The following PYGM variants were observed in gnomAD, a reference collection of about 807,000 sequenced individuals.
PYGM encodes the protein glycogen phosphorylase, muscle form.
A neutral mutation model predicts 99.3 loss-of-function variants in PYGM; 81 were observed. The observed-to-expected ratio is 0.82, with a 90% CI of 0.68 to 0.98. PYGM has a LOEUF of 0.98. Ranked by LOEUF, PYGM falls within the 50% of genes least tolerant of loss-of-function variation. The pLI, the probability that PYGM is intolerant of heterozygous loss-of-function variation, is 0.00. For missense variants in PYGM, 1,030 were observed against 1,158.1 expected (o/e 0.89, Z 1.61); for synonymous variants, 436 against 451.5 (o/e 0.97, Z 0.44).
chr11:64,754,201 G>A lies in PYGM; in HGVS notation c.1092+52C>T. ...CCTCCCACGCTCCCAAACTGGGAAG[G>A]GAACCCCGAGGCAGAGAGCATCAGA... On this transcript the variant is annotated intron_variant, in intron 9 of 19. Coordinates refer to ENST00000164139, the MANE Select transcript of PYGM (RefSeq NM_005609.4). This position sits in a 1 kb window ranked among gnomAD's most constrained non-coding sequence, Gnocchi z 5.5. 6.3e-7 allele frequency: 1 copy of A among 1,586,636 alleles called. No homozygotes were observed. Among genetic ancestry groups the A allele is most frequent in the East Asian group, 2.2e-5 (1 of 44,720 alleles).
intron 17 of PYGM, 43 bp downstream of exon 17, chr11:64,750,333 C>A (rs1383886981): frequency 6.2e-7 from 1 of 1,610,060 alleles, no homozygotes; most frequent in Non-Finnish European, 8.5e-7. Context: ...TCTCCAGCAG[C>A]CACACCTGGG....
chr11:64,756,084 G>A (rs1208070902), intron 5 of PYGM, among the ~76,000 whole-genome samples: 2 of 152,210 alleles, frequency 1.3e-5, no homozygotes, highest in African/African-American at 2.4e-5. Context: ...TGCTACCACG[G>A]TGCCAGGGGT....
At chr11:64,752,567 G>C in intron 12 of PYGM, 63 bp from the exon 13 acceptor site, 1 of 1,501,190 alleles carries the variant, frequency 6.7e-7, no homozygotes, top group Non-Finnish European at 9.2e-7. Flanking sequence ...AACACAGAAG[G>C]GGCCATTTCC....
At chr11:64,757,708 G>A in intron 5 of PYGM, 71 bp downstream of exon 5, 1 of 1,601,972 alleles carries the variant, frequency 6.2e-7, no homozygotes, top group Non-Finnish European at 8.5e-7. Context: ...ACTGGGTCCT[G>A]CTTCCTCTCT....
Position 64,753,923 on chromosome 11 carries a change from G to T in PYGM, c.1195C>A (p.Arg399=), listed in dbSNP as rs747675778. ...PVHLLETLLP[R]HLQIIYEINQ... The stretch of plus-strand genomic sequence containing the variant: ...ATCTCGTAGATGATCTGGAGGTGCC[G>T]CGGCAGCAGCGTCTCCAAGAGGTGC... Residue 399 remains arginine, a synonymous_variant, in exon 10 of 20, where the codon CGG becomes AGG. Transcript: ENST00000164139. The T allele has an allele frequency of 1.9e-6, 3 of 1,593,362 alleles. No homozygotes were observed. In the African/African-American group the frequency reaches 4.0e-5, roughly 21 times the overall value.
At chr11:64,751,208 A>G (rs915503540) in intron 16 of PYGM, 117 bp downstream of exon 16, 2 of 1,474,910 alleles carry the variant, frequency 1.4e-6, no homozygotes, top group Admixed American at 1.8e-5. Flanking sequence ...TGGTTTAAGC[A>G]TTGCCCTCTC....
At position 64,758,233 on chromosome 11, in the gene PYGM, C is replaced by T. The variant is rs571044373; in HGVS notation, c.528+13G>A. The T allele has an allele frequency of 8.1e-6, 13 of 1,600,322 alleles. No individual in the cohort carries two copies. The South Asian group carries it at 1.4e-4, about 18-fold the overall frequency. On this transcript the variant is annotated intron_variant, in intron 4 of 19. Coordinates refer to ENST00000164139, the MANE Select transcript of PYGM (RefSeq NM_005609.4). Reference sequence around the variant, plus strand: ...CTGACTAGACCCCACAAGTTAGAGCCAAGGCTGCTCACCTGCCAGCCCCCG... The same window carrying T: ...CTGACTAGACCCCACAAGTTAGAGCTAAGGCTGCTCACCTGCCAGCCCCCG...
chr11:64,750,642 G>T, intron 16 of PYGM, 59 bp from the exon 17 acceptor site: 1 of 1,544,512 alleles, frequency 6.5e-7, no homozygotes, highest in Non-Finnish European at 8.9e-7. Context: ...ACCAGCTGGG[G>T]ACTCTCAGAT....
chr11:64,760,208 T>C (rs2058425773), upstream of PYGM: 3 of 388,440 alleles, frequency 7.7e-6, no homozygotes, highest in South Asian at 2.8e-5. Context: ...CTTCTGTCCC[T>C]TGTCCCTGCC....
rs779002909 is a variant in PYGM at position 64,754,358 on chromosome 11, G to T, written c.1000-13C>A. ...GCTGGATGGCCACCTGGGGTAGGGGGAGGGGTCAGTCTGGGCTCCAAACCA... is the reference window on the plus strand; with the variant it reads ...GCTGGATGGCCACCTGGGGTAGGGGTAGGGGTCAGTCTGGGCTCCAAACCA... On this transcript the variant is annotated splice_polypyrimidine_tract_variant and intron_variant, in intron 8 of 19. Coordinates refer to ENST00000164139, the MANE Select transcript of PYGM (RefSeq NM_005609.4). The surrounding 1 kb of genome is among the most constrained non-coding windows in gnomAD (Gnocchi z 5.5). 27 of 1,589,594 alleles carry T rather than the reference G, an allele frequency of 1.7e-5. No homozygotes were observed. Among genetic ancestry groups the T allele is most frequent in the Middle Eastern group, 1.7e-4 (1 of 6,026 alleles).
In PYGM at chr11:64,758,591, C is replaced by A. The variant is rs2058411027; in HGVS notation, c.345+12G>T. On this transcript the variant is annotated intron_variant, in intron 2 of 19. Coordinates refer to ENST00000164139, the MANE Select transcript of PYGM (RefSeq NM_005609.4). ...CCCCCAGTCCCCACGGCTTGCCCCACCCCACACACACCTGGTAGGTGGCCT... is the reference window on the plus strand; with the variant it reads ...CCCCCAGTCCCCACGGCTTGCCCCAACCCACACACACCTGGTAGGTGGCCT... The A allele has an allele frequency of 1.2e-6, 2 of 1,613,102 alleles. No homozygotes were observed. The highest frequency in any genetic ancestry group is 1.3e-5 in the African/African-American group (1 of 74,874).
At chr11:64,760,028 G>T, upstream of PYGM, 1 of 1,384,750 alleles carries the variant, frequency 7.2e-7, no homozygotes, top group South Asian at 1.4e-5. Flanking sequence ...AGCACGCCCC[G>T]CCTCCCCTGC....
intron 12 of PYGM, among the ~76,000 whole-genome samples, 157 bp from the exon 13 acceptor site, chr11:64,752,661 G>C (rs189925678): frequency 1.3e-5 from 2 of 152,152 alleles, no homozygotes; most frequent in African/African-American, 4.8e-5. Flanking sequence ...GATGGGGCAC[G>C]GGGCATCCAT....
Position 64,759,900 on chromosome 11 carries a change from G to C in PYGM, c.-2C>G. 6.2e-7 allele frequency: 1 copy of C among 1,613,968 alleles called. No homozygotes were observed. On this transcript the variant is annotated 5_prime_UTR_variant, in exon 1 of 20. Transcript: ENST00000164139. Reference sequence around the variant, plus strand: ...TTGGTCTGACAGGGGCCGGGACATGGCTGCAGGAGGGCGGGCCGGACTGGA... The same window carrying C: ...TTGGTCTGACAGGGGCCGGGACATGCCTGCAGGAGGGCGGGCCGGACTGGA...
intron 1 of PYGM, 84 bp downstream of exon 1, chr11:64,759,572 G>A (rs1478175821): frequency 8.2e-6 from 13 of 1,586,966 alleles, no homozygotes; most frequent in Admixed American, 1.7e-5. Context: ...CTAGAGTGAC[G>A]AGGGGCAGCC....
chr11:64,759,429 G>A (rs929453932), intron 1 of PYGM, among the ~76,000 whole-genome samples: 7 of 152,152 alleles, frequency 4.6e-5, no homozygotes, highest in African/African-American at 1.7e-4. Context: ...CCTTCTCCGA[G>A]TGGGCACTGA....
At chr11:64,749,774 T>G (rs1353599987) in intron 17 of PYGM, among the ~76,000 whole-genome samples, 1 of 151,178 alleles carries the variant, frequency 6.6e-6, no homozygotes, top group African/African-American at 2.4e-5. Flanking sequence ...CTTTTGCCCA[T>G]GGCTTTCAGG....
At chr11:64,750,623 G>T in intron 16 of PYGM, 40 bp from the exon 17 acceptor site, 1 of 1,594,264 alleles carries the variant, frequency 6.3e-7, no homozygotes, top group Non-Finnish European at 8.6e-7. Flanking sequence ...ACTCAGGGAA[G>T]ACCCTCACAC....
chr11:64,754,397 G>A lies in PYGM; in HGVS notation c.1000-52C>T. On this transcript the variant is annotated intron_variant, in intron 8 of 19. Coordinates refer to ENST00000164139, the MANE Select transcript of PYGM (RefSeq NM_005609.4). The surrounding 1 kb of genome is among the most constrained non-coding windows in gnomAD (Gnocchi z 5.5). ...GGCTCCAAACCACATTCCATGCTAT[G>A]GTCACTGCCCTATGCCATTTGGAGG... The A allele has an allele frequency of 6.9e-7, 1 of 1,454,696 alleles. No individual in the cohort carries two copies. The highest frequency in any genetic ancestry group is 1.1e-5 in the South Asian group (1 of 87,750). The allele number at this position is 1,454,696 out of a possible 1,614,324, so 90.1% of individuals were successfully genotyped here.
Sources: gnomAD v4.1 joint callset for allele counts (sites outside exome capture counted in the v4.1 genomes callset) on GRCh38, gnomAD v4.1.1 for gene constraint, Gnocchi (gnomAD v3.1) non-coding constraint, MANE v1.5 for transcripts, NCBI Gene and HGNC (gene_info 2026-07-23, HGNC 2026-07-21) for gene names.